WDFY2: variants seen among roughly 807,000 people sequenced by gnomAD.
WDFY2 encodes WD repeat and FYVE domain containing 2.
WDFY2 carries 36 observed loss-of-function variants against 56.4 expected under a neutral mutation model. The observed-to-expected ratio is 0.64, with a 90% confidence interval of 0.49 to 0.84. The LOEUF is 0.84. Ranked by LOEUF, WDFY2 falls within the 40% of genes least tolerant of loss-of-function variation. The pLI is 0.00. For synonymous variants in WDFY2, 176 were observed against 183.7 expected (o/e 0.96, Z 0.34); for missense variants, 444 against 512.2 (o/e 0.87, Z 1.29).
chr13:51,602,841 G>A (rs1954312607), intron 1 of WDFY2, among the ~76,000 whole-genome samples: 1 of 152,176 alleles, frequency 6.6e-6, no homozygotes, highest in Non-Finnish European at 1.5e-5. Context: ...CAGTGTTCAT[G>A]CTTTAAGCTT....
chr13:51,730,052 AG>A (rs1240317148), intron 6 of WDFY2, among the ~76,000 whole-genome samples: 5 of 152,172 alleles, frequency 3.3e-5, no homozygotes, highest in Non-Finnish European at 5.9e-5. Flanking sequence ...TGACTAGTCT[AG>A]GTGACTCATA....
chr13:51,733,729 C>A (rs1952774562), intron 6 of WDFY2, among the ~76,000 whole-genome samples: 1 of 152,152 alleles, frequency 6.6e-6, no homozygotes, highest in African/African-American at 2.4e-5. Context: ...GTTTGGAGAA[C>A]AGGGGTCAGC....
intron 7 of WDFY2, among the ~76,000 whole-genome samples, chr13:51,743,884 A>G (rs1469898499): frequency 2.0e-5 from 3 of 152,244 alleles, no homozygotes; most frequent in Admixed American, 6.5e-5. Flanking sequence ...AGAGAATGGC[A>G]TGAACTAAAA....
chr13:51,602,155 G>A (rs368562133), intron 1 of WDFY2, among the ~76,000 whole-genome samples: 1 of 152,174 alleles, frequency 6.6e-6, no homozygotes, highest in Non-Finnish European at 1.5e-5. Flanking sequence ...TAATTAATGT[G>A]TTGCATAGCA....
At chr13:51,659,281 C>T (rs191925222) in intron 1 of WDFY2, among the ~76,000 whole-genome samples, 225 of 152,210 alleles carry the variant, frequency 1.5e-3, no homozygotes, top group African/African-American at 4.9e-3. Flanking sequence ...TGGCAGATAT[C>T]CAATATAATT....
intron 7 of WDFY2, among the ~76,000 whole-genome samples, chr13:51,750,852 C>A (rs1412946328): frequency 6.6e-6 from 1 of 152,106 alleles, no homozygotes; most frequent in Admixed American, 6.5e-5. Context: ...ACACCTCAGG[C>A]AACACAGTTT....
At chr13:51,662,401 A>G (rs1273281513) in intron 2 of WDFY2, among the ~76,000 whole-genome samples, 4 of 152,210 alleles carry the variant, frequency 2.6e-5, no homozygotes, top group African/African-American at 4.8e-5. Flanking sequence ...TCAGAGATCA[A>G]TAGGTCCCAT....
intron 6 of WDFY2, among the ~76,000 whole-genome samples, chr13:51,736,692 CAT>C (rs1952844721): frequency 6.6e-6 from 1 of 152,222 alleles, no homozygotes; most frequent in African/African-American, 2.4e-5. Context: ...GGGGTTTCAT[CAT>C]ATTGGCCAGG....
chr13:51,587,502 A>T (rs1953966637), intron 1 of WDFY2: 1 of 152,214 alleles, frequency 6.6e-6, no homozygotes, highest in African/African-American at 2.4e-5. Flanking sequence ...TGACCTATGA[A>T]AGGCTTATGT....
chr13:51,609,254 A>AGC (rs1954443835), intron 1 of WDFY2, among the ~76,000 whole-genome samples: 1 of 152,204 alleles, frequency 6.6e-6, no homozygotes, highest in Non-Finnish European at 1.5e-5. Flanking sequence ...CCCTCTACTG[A>AGC]TCACAACTCC....
At chr13:51,633,847 T>C (rs1954998611) in intron 1 of WDFY2, among the ~76,000 whole-genome samples, 1 of 152,236 alleles carries the variant, frequency 6.6e-6, no homozygotes, top group Non-Finnish European at 1.5e-5. Context: ...AAATTTTTAA[T>C]ATGCTAGTTA....
chr13:51,758,027 T>TA (rs1197777427), intron 10 of WDFY2, among the ~76,000 whole-genome samples, 165 bp from the exon 11 acceptor site: 7 of 151,272 alleles, frequency 4.6e-5, no homozygotes, highest in Non-Finnish European at 8.9e-5. Context: ...ATTTTTTTTT[T>TA]ATCATAACTG....
Position 51,678,540 on chromosome 13 carries a change from A to G in WDFY2, c.279+3297A>G, listed in dbSNP as rs1955925834. The stretch of plus-strand genomic sequence containing the variant: ...AGTTTAACTTGTCTTGACCTTTTTC[A>G]GTAATGTCTTCTGTTTTAATATTGA... On this transcript the variant is annotated intron_variant, in intron 3 of 11. Transcript: ENST00000298125. Among the ~76,000 whole-genome samples, 2 of 152,206 alleles carry G rather than the reference A, an allele frequency of 1.3e-5. 1 individual carries two copies. Among genetic ancestry groups the G allele is most frequent in the South Asian group, 4.1e-4 (2 of 4,834 alleles).
chr13:51,632,505 G>A (rs2138383199), intron 1 of WDFY2, among the ~76,000 whole-genome samples: 1 of 151,864 alleles, frequency 6.6e-6, no homozygotes, highest in Non-Finnish European at 1.5e-5. Flanking sequence ...GTGCTTTCTG[G>A]GAGATTTCGT....
chr13:51,713,679 C>T (rs1027222549), intron 4 of WDFY2, among the ~76,000 whole-genome samples: 27 of 151,784 alleles, frequency 1.8e-4, no homozygotes, highest in African/African-American at 6.3e-4. Context: ...TCAAGACCAG[C>T]CTCTACTAAA....
chr13:51,611,802 A>G (rs9535717), intron 1 of WDFY2, among the ~76,000 whole-genome samples: 19,773 of 152,108 alleles, frequency 0.13, 1,625 homozygotes, highest in South Asian at 0.21. Flanking sequence ...AAGGAAGGAG[A>G]TACCTCTGGG....
rs180867548 is a variant in WDFY2 at position 51,696,094 on chromosome 13, C to G, written c.280-7502C>G. Among the ~76,000 whole-genome samples the G allele has an allele frequency of 3.0e-3, 460 of 152,332 alleles. 2 individuals carry two copies. Among genetic ancestry groups the G allele is most frequent in the African/African-American group, 0.011 (442 of 41,580 alleles). ...TGCTGTCTGTCACCCCTTTCTTTGA[C>G]TGGGAAAGGGAACTCCCTGACCCCT... On this transcript the variant is annotated intron_variant, in intron 3 of 11. Coordinates refer to ENST00000298125, the MANE Select transcript of WDFY2 (RefSeq NM_052950.4).
intron 1 of WDFY2, among the ~76,000 whole-genome samples, chr13:51,593,559 ATAT>A (rs1954091333): frequency 6.6e-6 from 1 of 152,160 alleles, no homozygotes; most frequent in African/African-American, 2.4e-5. Flanking sequence ...CCAGCCATGG[ATAT>A]TATTATTTTA....
At chr13:51,668,370 C>T (rs2138481784) in intron 2 of WDFY2, among the ~76,000 whole-genome samples, 1 of 152,208 alleles carries the variant, frequency 6.6e-6, no homozygotes, top group South Asian at 2.1e-4. Flanking sequence ...GGAGTGACCA[C>T]TTCTAATTTG....
Sources: gnomAD v4.1 joint callset for allele counts (sites outside exome capture counted in the v4.1 genomes callset) on GRCh38, gnomAD v4.1.1 for gene constraint, MANE v1.5 for transcripts, NCBI Gene and HGNC (gene_info 2026-07-23, HGNC 2026-07-21) for gene names.